SFMBT2: variants seen among roughly 807,000 people sequenced by gnomAD.
The protein encoded by SFMBT2 is scm-like with four MBT domains protein 2.
A neutral mutation model predicts 110.1 loss-of-function variants in SFMBT2; 38 were observed. The ratio of observed to expected loss-of-function variants is 0.35; its 90% CI spans 0.27 to 0.45. The LOEUF (loss-of-function observed/expected upper bound fraction) is 0.45, where lower values mean the gene tolerates loss of function less well. Among genes scored for constraint, SFMBT2 ranks in the 20% least tolerant of loss-of-function variants. SFMBT2 has a pLI of 1.00. For missense variants in SFMBT2, 1,011 were observed against 1,094.9 expected (o/e 0.92, Z 1.08); for synonymous variants, 425 against 425.4 (o/e 1.00, Z 0.01).
intron 7 of SFMBT2, among the ~76,000 whole-genome samples, chr10:7,261,871 G>T (rs1191343035): frequency 6.6e-6 from 1 of 152,250 alleles, no homozygotes; most frequent in Non-Finnish European, 1.5e-5. Flanking sequence ...GAGACAGGCA[G>T]ATTCAAAGTA....
intron 11 of SFMBT2, chr10:7,214,601 T>C (rs117326277): frequency 0.013 from 12,869 of 985,480 alleles, 116 homozygotes; most frequent in Non-Finnish European, 0.014. Flanking sequence ...CAAACACACT[T>C]GCAGAAATCA....
chr10:7,243,541 C>A lies in SFMBT2; in HGVS notation c.1120+17G>T, dbSNP rs1025749801. The A allele has an allele frequency of 1.1e-6, 1 of 872,220 alleles. No homozygotes were observed. The highest frequency in any genetic ancestry group is 2.0e-6 in the Non-Finnish European group (1 of 501,412). The allele number at this position is 872,220 out of a possible 1,614,324, so 54.0% of individuals were successfully genotyped here. The stretch of plus-strand genomic sequence containing the variant: ...TCCTGAATCTCCAGACCCTGCATAC[C>A]TTCACAGAATACAAACCTTTGGGAG... On this transcript the variant is annotated intron_variant, in intron 9 of 20. Coordinates refer to ENST00000397167, the MANE Select transcript of SFMBT2 (RefSeq NM_001387889.1).
chr10:7,358,125 GCATGGCCCTGTGACATCAA>G (rs1844579958), intron 4 of SFMBT2, among the ~76,000 whole-genome samples: 1 of 147,836 alleles, frequency 6.8e-6, no homozygotes, highest in South Asian at 2.2e-4. Flanking sequence ...TAGAACATCT[GCATGGCCCTGTGACATCAA>G]CATGGCCCTG....
intron 15 of SFMBT2, among the ~76,000 whole-genome samples, chr10:7,194,243 C>T (rs1029615184): frequency 6.6e-6 from 1 of 152,196 alleles, no homozygotes; most frequent in African/African-American, 2.4e-5. Flanking sequence ...CTCGCTGCAC[C>T]CCCTCGAATT....
chr10:7,331,750 TCCCA>T (rs1275223188), intron 4 of SFMBT2, among the ~76,000 whole-genome samples: 1 of 152,036 alleles, frequency 6.6e-6, no homozygotes, highest in Non-Finnish European at 1.5e-5. Flanking sequence ...ACTCCTGTAA[TCCCA>T]GCACTTTGGG....
intron 16 of SFMBT2, 62 bp downstream of exon 16, chr10:7,188,562 G>T (rs2462712): frequency 0.61 from 826,351 of 1,360,230 alleles, 256,565 homozygotes; most frequent in African/African-American, 0.67. Context: ...AAGTGGCAAG[G>T]TTCAAAGTAG....
intron 4 of SFMBT2, among the ~76,000 whole-genome samples, chr10:7,335,531 C>A (rs916178819): frequency 6.6e-6 from 1 of 151,742 alleles, no homozygotes; most frequent in Non-Finnish European, 1.5e-5. Context: ...CAATAAATTT[C>A]TCTTTCTCAA....
chr10:7,314,615 A>G (rs1225237894), intron 4 of SFMBT2, among the ~76,000 whole-genome samples: 5 of 152,180 alleles, frequency 3.3e-5, no homozygotes, highest in African/African-American at 1.2e-4. Context: ...CATGCATAAA[A>G]AACCAGACCC....
intron 5 of SFMBT2, 194 bp downstream of exon 5, chr10:7,285,672 G>A: frequency 1.8e-6 from 1 of 555,524 alleles, no homozygotes; most frequent in Non-Finnish European, 3.3e-6. Context: ...GCATCACAGG[G>A]GAAGTTTCAT....
intron 7 of SFMBT2, among the ~76,000 whole-genome samples, chr10:7,257,018 G>A (rs918180051): frequency 1.4e-5 from 2 of 146,826 alleles, no homozygotes; most frequent in Admixed American, 6.9e-5. Context: ...CTTGAACTCC[G>A]GAGGCAGAAG....
At chr10:7,269,913 C>T (rs111912775) in intron 7 of SFMBT2, among the ~76,000 whole-genome samples, 2,109 of 151,012 alleles carry the variant, frequency 0.014, 25 homozygotes, top group South Asian at 0.045. Context: ...TGAACATTAC[C>T]TTCGTGTAAG....
At chr10:7,298,721 ATG>A (rs1417969319) in intron 4 of SFMBT2, among the ~76,000 whole-genome samples, 2 of 151,254 alleles carry the variant, frequency 1.3e-5, no homozygotes, top group South Asian at 2.1e-4. Context: ...GTGCGTATGT[ATG>A]TGTGTATGTA....
At chr10:7,166,349 A>T (rs947176854) in intron 20 of SFMBT2, among the ~76,000 whole-genome samples, 18 of 152,258 alleles carry the variant, frequency 1.2e-4, no homozygotes, top group African/African-American at 4.3e-4. Context: ...TAACATCTGT[A>T]CTTGGGCATG....
At position 7,406,985 on chromosome 10, in the gene SFMBT2, C is replaced by CG. The variant is rs1173290155; in HGVS notation, c.-52+3875dup. 2.6e-3 allele frequency among the ~76,000 whole-genome samples: 362 copies of CG among 140,378 alleles called. 5 individuals are homozygous for CG. In the East Asian group the frequency reaches 0.038, roughly 15 times the overall value. 92.1% of individuals were successfully genotyped at this position (140,378 alleles called of 152,430 possible). A position where few individuals can be genotyped will look rare whatever the true frequency, so the allele number is the denominator to read the frequency against. On this transcript the variant is annotated intron_variant, in intron 1 of 20. Coordinates refer to ENST00000397167, the MANE Select transcript of SFMBT2 (RefSeq NM_001387889.1). ...CTTTGGTGGGGACCTAGAGGGTTGG[C>CG]GGGGGGGGAGGGAAGTGGAGAAGTG...
At chr10:7,353,958 G>C (rs184626622) in intron 4 of SFMBT2, among the ~76,000 whole-genome samples, 1 of 151,708 alleles carries the variant, frequency 6.6e-6, no homozygotes, top group Non-Finnish European at 1.5e-5. Context: ...GTGGTGGTGC[G>C]TGCGTGTAAT....
At chr10:7,342,558 G>A (rs992620781) in intron 4 of SFMBT2, among the ~76,000 whole-genome samples, 2 of 151,828 alleles carry the variant, frequency 1.3e-5, no homozygotes, top group Non-Finnish European at 2.9e-5. Flanking sequence ...ACAGGCACCC[G>A]CCACCGCGCC....
At chr10:7,222,757 C>A (rs1297197540) in intron 10 of SFMBT2, among the ~76,000 whole-genome samples, 1 of 151,964 alleles carries the variant, frequency 6.6e-6, no homozygotes, top group Non-Finnish European at 1.5e-5. Context: ...GCAACCTCTG[C>A]CTCCTGGGTT....
chr10:7,277,084 C>T (rs1841804865), intron 6 of SFMBT2, 95 bp from the exon 7 acceptor site: 1 of 743,364 alleles, frequency 1.3e-6, no homozygotes, highest in African/African-American at 1.7e-5. Flanking sequence ...TTCCTGATAC[C>T]TCAGCACGGT....
At chr10:7,166,371 A>G (rs773047036) in intron 20 of SFMBT2, among the ~76,000 whole-genome samples, 5 of 152,238 alleles carry the variant, frequency 3.3e-5, no homozygotes, top group Non-Finnish European at 7.3e-5. Context: ...TGGTGATTCA[A>G]TCACCACTGA....
Sources: gnomAD v4.1 joint callset for allele counts (sites outside exome capture counted in the v4.1 genomes callset) on GRCh38, gnomAD v4.1.1 for gene constraint, MANE v1.5 for transcripts, NCBI Gene and HGNC (gene_info 2026-07-23, HGNC 2026-07-21) for gene names.